The following CCSER1 variants were observed in gnomAD, a reference collection of about 807,000 sequenced individuals.
CCSER1 encodes coiled-coil serine rich protein 1.
CCSER1 carries 41 observed loss-of-function variants against 82.0 expected under a neutral mutation model. That is an observed-to-expected ratio of 0.50 (90% CI 0.39 to 0.65). CCSER1 has a LOEUF of 0.65. Among genes scored for constraint, CCSER1 ranks in the 30% least tolerant of loss-of-function variants. CCSER1 has a pLI of 0.00. For synonymous variants in CCSER1, 414 were observed against 383.9 expected, an observed-to-expected ratio of 1.08 and a Z score of -0.92; for missense variants, 1,119 against 1,064.2, an observed-to-expected ratio of 1.05 and a Z score of -0.72.
intron 6 of CCSER1, among the ~76,000 whole-genome samples, chr4:90,709,170 A>T (rs2149316561): frequency 6.6e-6 from 1 of 152,314 alleles, no homozygotes; most frequent in South Asian, 2.1e-4. Context: ...TATTTGATGT[A>T]AGAAAAATCC....
intron 5 of CCSER1, among the ~76,000 whole-genome samples, chr4:90,564,682 A>G: frequency 9.1e-6 from 1 of 110,074 alleles, no homozygotes; most frequent in Admixed American, 7.9e-5. Flanking sequence ...TATTTAATTC[A>G]TTTTGTTTTT....
intron 8 of CCSER1, among the ~76,000 whole-genome samples, chr4:90,845,828 T>G (rs1480140142): frequency 6.6e-6 from 1 of 152,144 alleles, no homozygotes; most frequent in African/African-American, 2.4e-5. Flanking sequence ...AAACCAGATT[T>G]TCTTATTTCT....
At chr4:90,341,166 G>T (rs17228448) in intron 3 of CCSER1, among the ~76,000 whole-genome samples, 7,359 of 152,108 alleles carry the variant, frequency 0.048, 274 homozygotes, top group Non-Finnish European at 0.07. Context: ...TAGAAGATCA[G>T]CTGGAATGTC....
In CCSER1 at chr4:90,308,562, C is replaced by T; in HGVS notation, c.278C>T (p.Ala93Val). ...CAGAACCTTAGTATTTCAAATGGTG[C>T]TCAACCTGGTCACAGCAATATGCAG... ...TNQNLSISNG[A>V]QPGHSNMQKL... The change falls in exon 2 of 11, where the codon GCT becomes GTT. Residue 93 changes from alanine to valine, a missense_variant. Coordinates refer to ENST00000509176, the MANE Select transcript of CCSER1 (RefSeq NM_001145065.2). 1 of 1,613,900 alleles carries T rather than the reference C, an allele frequency of 6.2e-7. No homozygotes were observed. Among genetic ancestry groups the T allele is most frequent in the African/African-American group, 1.3e-5 (1 of 75,040 alleles).
At chr4:90,651,696 A>G (rs1272678373) in intron 6 of CCSER1, among the ~76,000 whole-genome samples, 3 of 152,148 alleles carry the variant, frequency 2.0e-5, no homozygotes, top group East Asian at 1.9e-4. Context: ...ATTAAAAAAA[A>G]AAAAGTTTGT....
intron 5 of CCSER1, among the ~76,000 whole-genome samples, chr4:90,472,400 C>A (rs1038283423): frequency 6.6e-6 from 1 of 151,786 alleles, no homozygotes; most frequent in African/African-American, 2.4e-5. Context: ...ATTAAATATT[C>A]TCATGTATTT....
chr4:91,593,809 A>G (rs1228311694), intron 10 of CCSER1, among the ~76,000 whole-genome samples: 5 of 152,162 alleles, frequency 3.3e-5, no homozygotes, highest in Non-Finnish European at 1.5e-5. Flanking sequence ...AGGCTGAAAT[A>G]AGTGAATGTG....
chr4:90,961,935 T>C (rs542829205), intron 9 of CCSER1, among the ~76,000 whole-genome samples: 1 of 152,218 alleles, frequency 6.6e-6, no homozygotes, highest in South Asian at 2.1e-4. Context: ...GAGAAAAGAT[T>C]GAATACTCAG....
rs1042253688 is a variant in CCSER1 at position 90,391,565 on chromosome 4, A to T, written c.1510-8471A>T. Among the ~76,000 whole-genome samples the T allele has an allele frequency of 2.9e-4, 42 of 144,384 alleles. 1 individual carries two copies. Among genetic ancestry groups the T allele is most frequent in the Admixed American group, 8.3e-4 (12 of 14,400 alleles). The allele number at this position is 144,384 out of a possible 152,430, so 94.7% of individuals were successfully genotyped here. On this transcript the variant is annotated intron_variant, in intron 3 of 10. Coordinates refer to ENST00000509176, the MANE Select transcript of CCSER1 (RefSeq NM_001145065.2). Reference sequence around the variant, plus strand: ...TCATAAAATTAAAAATAAACAATTTAAAAACATCAATAGTAATAATAGCCA... The same window carrying T: ...TCATAAAATTAAAAATAAACAATTTTAAAACATCAATAGTAATAATAGCCA...
At chr4:90,754,587 G>T (rs568215335) in intron 7 of CCSER1, among the ~76,000 whole-genome samples, 50 of 152,184 alleles carry the variant, frequency 3.3e-4, no homozygotes, top group African/African-American at 1.2e-3. Context: ...TCAGAAAAAA[G>T]AATCTTGAAT....
chr4:90,990,194 T>A (rs913585657), intron 9 of CCSER1, among the ~76,000 whole-genome samples: 6 of 151,848 alleles, frequency 4.0e-5, no homozygotes, highest in African/African-American at 7.2e-5. Context: ...GAGTAGAGCA[T>A]AATATCTCCC....
chr4:91,061,323 T>C (rs1743933561), intron 9 of CCSER1, among the ~76,000 whole-genome samples: 1 of 151,536 alleles, frequency 6.6e-6, no homozygotes, highest in Admixed American at 6.6e-5. Context: ...AATAAAGCAA[T>C]GTATTAGTTA....
At chr4:90,596,296 G>C (rs1474341368) in intron 5 of CCSER1, among the ~76,000 whole-genome samples, 2 of 151,750 alleles carry the variant, frequency 1.3e-5, no homozygotes, top group African/African-American at 4.8e-5. Context: ...TTATATAATA[G>C]AAAAATTCTC....
intron 8 of CCSER1, among the ~76,000 whole-genome samples, chr4:90,863,185 C>T (rs142208275): frequency 0.012 from 1,866 of 151,344 alleles, 50 homozygotes; most frequent in African/African-American, 0.043. Flanking sequence ...TGAGAACATG[C>T]GGTGTTTGGT....
At chr4:91,453,657 G>T (rs1267201770) in intron 10 of CCSER1, among the ~76,000 whole-genome samples, 1 of 151,932 alleles carries the variant, frequency 6.6e-6, no homozygotes, top group Non-Finnish European at 1.5e-5. Flanking sequence ...TTGCCTACCT[G>T]CTCAGCAATA....
At chr4:91,580,288 GCTCA>G (rs1276035380) in intron 10 of CCSER1, among the ~76,000 whole-genome samples, 2 of 151,780 alleles carry the variant, frequency 1.3e-5, no homozygotes, top group African/African-American at 4.8e-5. Context: ...TCATGTCCCT[GCTCA>G]CTATGTTGAC....
rs560807792 is a variant in CCSER1, at chr4:91,177,462, G to A, written c.2217+91468G>A. Among the ~76,000 whole-genome samples, 130 of 152,230 alleles carry A rather than the reference G, an allele frequency of 8.5e-4. 2 individuals are homozygous for A. In the South Asian group the frequency reaches 0.018, roughly 21 times the overall value. On this transcript the variant is annotated intron_variant, in intron 10 of 10. Coordinates refer to ENST00000509176, the MANE Select transcript of CCSER1 (RefSeq NM_001145065.2). ...TCCATCTGGTCCTGGACTTTTTTTG[G>A]TTGGTAGGCTACCAATTGTTGCCTC...
chr4:90,589,839 G>C (rs1437440318), intron 5 of CCSER1, among the ~76,000 whole-genome samples: 1 of 152,112 alleles, frequency 6.6e-6, no homozygotes, highest in South Asian at 2.1e-4. Context: ...GTGAAATGTA[G>C]TTAACAAAGG....
intron 9 of CCSER1, among the ~76,000 whole-genome samples, chr4:91,041,486 T>G (rs1487815665): frequency 6.6e-6 from 1 of 152,212 alleles, no homozygotes; most frequent in Non-Finnish European, 1.5e-5. Context: ...TCCGATACTT[T>G]GTTTTAACTA....
Sources: gnomAD v4.1 joint callset for allele counts (sites outside exome capture counted in the v4.1 genomes callset) on GRCh38, gnomAD v4.1.1 for gene constraint, MANE v1.5 for transcripts, NCBI Gene and HGNC (gene_info 2026-07-23, HGNC 2026-07-21) for gene names.